Variants in DIAPH2 observed in about 807,000 individuals in gnomAD.
DIAPH2 encodes protein diaphanous homolog 2.
Under a neutral mutation model 92.7 loss-of-function variants are expected in DIAPH2, and 35 were observed. The observed-to-expected ratio is 0.38, with a 90% CI of 0.29 to 0.50. The LOEUF is 0.50. Ranked by LOEUF, DIAPH2 falls within the 20% of genes least tolerant of loss-of-function variation. The pLI, the probability that DIAPH2 is intolerant of heterozygous loss-of-function variation, is 0.94. For synonymous variants in DIAPH2, 301 were observed against 280.4 expected, an observed-to-expected ratio of 1.07 and a Z score of -0.73; for missense variants, 701 against 819.5, an observed-to-expected ratio of 0.86 and a Z score of 1.77.
chrX:97,045,047 G>GT (rs1384280884), intron 17 of DIAPH2, among the ~76,000 whole-genome samples: 1 of 111,616 alleles, frequency 9.0e-6, no homozygotes, highest in African/African-American at 3.3e-5. Flanking sequence ...ACTCTCCTGG[G>GT]TTTCCTCCCT....
intron 22 of DIAPH2, among the ~76,000 whole-genome samples, chrX:97,180,265 CT>C (rs1468162268): frequency 4.5e-5 from 5 of 112,200 alleles, no homozygotes; most frequent in African/African-American, 1.6e-4. Context: ...TGGTGTTGAG[CT>C]TTTTTTCACA....
Position 96,807,944 on chromosome X carries a change from CAAAAAAAAAAAAAAAAAAAA to C in DIAPH2, c.447+49706_447+49725del, listed in dbSNP as rs541681495. Among the ~76,000 whole-genome samples, 21 of 14,487 alleles carry C rather than the reference CAAAAAAAAAAAAAAAAAAAA, an allele frequency of 1.4e-3. No individual in the cohort carries two copies. The South Asian group carries it at 0.044, about 30-fold the overall frequency. 12.6% of individuals were successfully genotyped at this position (14,487 alleles called of 115,157 possible). ...GTGAGATTTGGTATTGTAGAAATAG[CAAAAAAAAAAAAAAAAAAAA>C]AAAAAAAAAAAAAAAAAAAGTCTCC... is the stretch of plus-strand genomic sequence containing the variant. On this transcript the variant is annotated intron_variant, in intron 4 of 26. Coordinates refer to ENST00000324765, the MANE Select transcript of DIAPH2 (RefSeq NM_006729.5).
intron 19 of DIAPH2, among the ~76,000 whole-genome samples, chrX:97,098,549 C>T (rs993131786): frequency 8.9e-6 from 1 of 112,600 alleles, no homozygotes; most frequent in Non-Finnish European, 1.9e-5. Flanking sequence ...TCCTTTATGA[C>T]TAGTAGCTGG....
rs147516306 is a variant in DIAPH2, at chrX:96,967,692, C to T, written c.2050+2485C>T. 4.8e-3 allele frequency among the ~76,000 whole-genome samples: 528 copies of T among 111,108 alleles called. 5 individuals carry two copies. The highest frequency in any genetic ancestry group is 0.017 in the African/African-American group (518 of 30,537). On this transcript the variant is annotated intron_variant, in intron 17 of 26. Transcript: ENST00000324765. ...TCGACCTCCCAAAGTGCTAGGATTA[C>T]AGGCGTGACCCACCATGCCTGGCCA...
chrX:96,918,482 T>C, intron 8 of DIAPH2, 27 bp from the exon 9 acceptor site: 1 of 1,022,034 alleles, frequency 9.8e-7, no homozygotes, highest in Non-Finnish European at 1.4e-6. Context: ...GTATTTCTCA[T>C]TTCTGTTTCT....
chrX:97,338,426 G>T (rs2069084446), intron 23 of DIAPH2, among the ~76,000 whole-genome samples: 2 of 111,781 alleles, frequency 1.8e-5, no homozygotes, highest in Non-Finnish European at 3.8e-5. Context: ...AAATTAAATG[G>T]AAAAATTCAT....
At chrX:97,205,294 G>A (rs1169978752) in intron 22 of DIAPH2, among the ~76,000 whole-genome samples, 1 of 111,979 alleles carries the variant, frequency 8.9e-6, no homozygotes, top group East Asian at 2.8e-4. Flanking sequence ...ACTGCCAAAA[G>A]CGATGGCAAC....
chrX:97,338,925 G>A lies in DIAPH2; in HGVS notation c.2845-9191G>A, dbSNP rs138782250. On this transcript the variant is annotated intron_variant, in intron 23 of 26. Coordinates refer to ENST00000324765, the MANE Select transcript of DIAPH2 (RefSeq NM_006729.5). ...ATAGGATCAGTTAGAGGGCAAGGGG[G>A]TATAACACCTGCCTTCAGCTACCTG... is the stretch of plus-strand genomic sequence containing the variant. Among the ~76,000 whole-genome samples, 451 of 111,740 alleles carry A rather than the reference G, an allele frequency of 4.0e-3. 2 individuals are homozygous for A. The highest frequency in any genetic ancestry group is 0.013 in the African/African-American group (414 of 30,787).
In DIAPH2 at chrX:96,964,206, G is replaced by A. The variant is rs970419582; in HGVS notation, c.1936-887G>A. On this transcript the variant is annotated intron_variant, in intron 16 of 26. Coordinates refer to ENST00000324765, the MANE Select transcript of DIAPH2 (RefSeq NM_006729.5). ...AGTAAGTTGGTTTAAACAGAATGAT[G>A]GTTAAATCATTTTTCAATCTTATGC... Among the ~76,000 whole-genome samples, 4 of 111,052 alleles carry A rather than the reference G, an allele frequency of 3.6e-5. No individual in the cohort carries two copies. In the East Asian group the frequency reaches 1.1e-3, roughly 31 times the overall value.
At chrX:96,877,306 A>G (rs929130803) in intron 4 of DIAPH2, among the ~76,000 whole-genome samples, 2 of 112,197 alleles carry the variant, frequency 1.8e-5, no homozygotes, top group South Asian at 3.7e-4. Flanking sequence ...ATGTTAATCT[A>G]TAGCATTATA....
chrX:97,000,967 C>T (rs1334729970), intron 17 of DIAPH2, among the ~76,000 whole-genome samples: 1 of 112,297 alleles, frequency 8.9e-6, no homozygotes, highest in African/African-American at 3.2e-5. Flanking sequence ...GAACTTACTC[C>T]TTTACAGTCT....
At chrX:96,849,465 C>G (rs898475890) in intron 4 of DIAPH2, among the ~76,000 whole-genome samples, 4 of 111,942 alleles carry the variant, frequency 3.6e-5, no homozygotes, top group Non-Finnish European at 7.5e-5. Context: ...TGTGCCTGGC[C>G]GAGCATTATT....
At chrX:96,925,572 G>A (rs370254414) in intron 9 of DIAPH2, among the ~76,000 whole-genome samples, 2 of 110,954 alleles carry the variant, frequency 1.8e-5, no homozygotes, top group African/African-American at 6.6e-5. Context: ...TTATGGCCCC[G>A]TTTAAATTAT....
intron 17 of DIAPH2, among the ~76,000 whole-genome samples, chrX:96,975,145 C>T (rs2065952680): frequency 9.0e-6 from 1 of 111,625 alleles, no homozygotes; most frequent in South Asian, 3.7e-4. Flanking sequence ...AAATATTGGA[C>T]ATAGCTTCAA....
At chrX:96,712,596 C>G (rs1426508849) in intron 1 of DIAPH2, among the ~76,000 whole-genome samples, 1 of 110,913 alleles carries the variant, frequency 9.0e-6, no homozygotes, top group African/African-American at 3.3e-5. Context: ...TATTGCCTGC[C>G]TGCTATGATA....
At chrX:97,406,225 A>G (rs2069808697) in intron 25 of DIAPH2, among the ~76,000 whole-genome samples, 2 of 111,991 alleles carry the variant, frequency 1.8e-5, no homozygotes, top group South Asian at 7.5e-4. Context: ...TTTCTCAGCT[A>G]CCAGTTTTCA....
At chrX:97,495,086 CT>C (rs2070749772) in intron 26 of DIAPH2, among the ~76,000 whole-genome samples, 1 of 112,507 alleles carries the variant, frequency 8.9e-6, no homozygotes, top group Admixed American at 9.4e-5. Context: ...GTATTTTCCC[CT>C]GAGAAAGAAA....
At chrX:97,515,781 C>G (rs2070941863) in intron 26 of DIAPH2, among the ~76,000 whole-genome samples, 1 of 110,128 alleles carries the variant, frequency 9.1e-6, no homozygotes, top group African/African-American at 3.3e-5. Flanking sequence ...GAGAGAAGGG[C>G]AAGGGGAAGG....
At chrX:97,137,539 T>C (rs1258502311) in intron 21 of DIAPH2, among the ~76,000 whole-genome samples, 1 of 109,230 alleles carries the variant, frequency 9.2e-6, no homozygotes, top group Non-Finnish European at 1.9e-5. Context: ...AAAAAAGTTA[T>C]TAATTGCTTC....
Sources: allele counts gnomAD v4.1 joint callset (sites outside exome capture counted in the v4.1 genomes callset), GRCh38; gene constraint gnomAD v4.1.1; transcripts MANE v1.5; gene names NCBI Gene and HGNC (gene_info 2026-07-23, HGNC 2026-07-21).